Variants in MAP4K5 observed in about 807,000 individuals in gnomAD.
The protein encoded by MAP4K5 is MAPK/ERK kinase kinase kinase 5.
MAP4K5 carries 82 observed loss-of-function variants against 135.6 expected under a neutral mutation model. The ratio of observed to expected loss-of-function variants is 0.60; its 90% CI spans 0.51 to 0.73. The LOEUF is 0.73. MAP4K5 is among the 30% of genes least tolerant of loss of function. MAP4K5 has a pLI of 0.00. For missense variants in MAP4K5, 907 were observed against 1,010.9 expected (o/e 0.90, Z 1.39); for synonymous variants, 347 against 335.0 (o/e 1.04, Z -0.39).
chr14:50,525,583 C>T (rs570362141), intron 2 of MAP4K5, among the ~76,000 whole-genome samples: 2 of 152,284 alleles, frequency 1.3e-5, no homozygotes, highest in Admixed American at 6.5e-5. Context: ...ACCCTAAAAT[C>T]CCAGCACTTT....
intron 1 of MAP4K5, among the ~76,000 whole-genome samples, chr14:50,546,003 C>G (rs1190173053): frequency 1.3e-5 from 2 of 152,152 alleles, no homozygotes; most frequent in Non-Finnish European, 2.9e-5. Flanking sequence ...TGTTATTAAA[C>G]TACTGGTGTT....
chr14:50,425,918 T>G lies in MAP4K5; in HGVS notation c.2386A>C (p.Lys796Gln), dbSNP rs1184682678. ...WKHGMQGKSF[K>Q]SDEVTQEISD... ...CTGAGAAGGCTTACCTCATCTGACTTGAAGCTTTTACCCTGCATCCCATGT... is the reference window on the plus strand; with the variant it reads ...CTGAGAAGGCTTACCTCATCTGACTGGAAGCTTTTACCCTGCATCCCATGT... The change falls in exon 31 of 33, where the codon AAG becomes CAG. Residue 796 changes from lysine to glutamine, a missense_variant. Lys to Gln is a moderately conservative substitution (Grantham distance 53). Transcript: ENST00000682126. 1 of 1,612,218 alleles carries G rather than the reference T, an allele frequency of 6.2e-7. No homozygotes were observed. Among genetic ancestry groups the G allele is most frequent in the Non-Finnish European group, 8.5e-7 (1 of 1,178,860 alleles).
chr14:50,477,320 T>C (rs986436642), intron 6 of MAP4K5, among the ~76,000 whole-genome samples: 47 of 152,358 alleles, frequency 3.1e-4, no homozygotes, highest in African/African-American at 1.0e-3. Context: ...ACATTGATAG[T>C]GAATATTACA....
Position 50,428,682 on chromosome 14 carries a change from T to C in MAP4K5, c.2306A>G (p.Asp769Gly). Residue 769 changes from aspartate (D) to glycine (G), a missense_variant, in exon 30 of 33, where the codon GAT becomes GGT. Asp to Gly is a moderately conservative substitution (Grantham distance 94). Transcript: ENST00000682126. ...SKKLASELSF[D>G]FRIESVVCLQ... ...CTTACCTACAGATTCAATGCGAAAATCAAAACTTAACTCAGAGGCCAGTTT... is the reference window on the plus strand; with the variant it reads ...CTTACCTACAGATTCAATGCGAAAACCAAAACTTAACTCAGAGGCCAGTTT... 6.6e-7 allele frequency: 1 copy of C among 1,519,670 alleles called. No homozygotes were observed. Among genetic ancestry groups the C allele is most frequent in the South Asian group, 1.3e-5 (1 of 77,076 alleles). The allele number at this position is 1,519,670 out of a possible 1,614,324, so 94.1% of individuals were successfully genotyped here.
chr14:50,438,967 T>C (rs10131375), intron 23 of MAP4K5, among the ~76,000 whole-genome samples: 127,911 of 152,054 alleles, frequency 0.84, 55,337 homozygotes, highest in East Asian at 0.93. Context: ...GTTTATATGA[T>C]ACAATTCATA....
rs550912483 is a variant in MAP4K5, at chr14:50,457,404, CATA to C, written c.937-813_937-811del. Among the ~76,000 whole-genome samples, 50 of 152,268 alleles carry C rather than the reference CATA, an allele frequency of 3.3e-4. No homozygotes were observed. In the East Asian group the frequency reaches 8.7e-3, roughly 26 times the overall value. On this transcript the variant is annotated intron_variant, in intron 13 of 32. Coordinates refer to ENST00000682126, the MANE Select transcript of MAP4K5 (RefSeq NM_006575.6). ...ATATTGTAGTAAGCCAAGTGAGAAG[CATA>C]ATACTTCTACCCACCACGCAGAACC...
intron 1 of MAP4K5, among the ~76,000 whole-genome samples, chr14:50,544,886 A>G (rs966341961): frequency 1.4e-4 from 19 of 139,726 alleles, no homozygotes; most frequent in Admixed American, 1.0e-3. Context: ...GCAATGAGCT[A>G]TGATTGTACC....
At chr14:50,503,391 A>C (rs561861042) in intron 3 of MAP4K5, among the ~76,000 whole-genome samples, 46 of 152,248 alleles carry the variant, frequency 3.0e-4, no homozygotes, top group Non-Finnish European at 3.7e-4. Context: ...TAAAATAATC[A>C]GTAGCTTTTA....
chr14:50,485,786 T>A (rs939090540), intron 4 of MAP4K5, 144 bp from the exon 5 acceptor site: 2 of 586,638 alleles, frequency 3.4e-6, no homozygotes, highest in African/African-American at 3.8e-5. Context: ...TGCTACAATA[T>A]ACAGAAAAGC....
chr14:50,538,099 G>A (rs2038516839), intron 2 of MAP4K5, among the ~76,000 whole-genome samples: 1 of 152,172 alleles, frequency 6.6e-6, no homozygotes, highest in African/African-American at 2.4e-5. Flanking sequence ...GAGGGACCTG[G>A]TGGGAGGTAA....
At chr14:50,447,527 A>T in intron 15 of MAP4K5, 46 bp from the exon 16 acceptor site, 3 of 1,043,642 alleles carry the variant, frequency 2.9e-6, no homozygotes, top group South Asian at 1.5e-5. Context: ...TGTAACAGGT[A>T]TTAACCATTT....
chr14:50,453,169 CT>C (rs1186919184), intron 14 of MAP4K5, among the ~76,000 whole-genome samples: 4 of 151,984 alleles, frequency 2.6e-5, no homozygotes, highest in Middle Eastern at 3.4e-3. Flanking sequence ...TAGGCTTATA[CT>C]CTTCGTGAAT....
In MAP4K5 at chr14:50,485,342, C is replaced by A. The variant is rs1428857184; in HGVS notation, c.322+236G>T. ...AGATAAAACACTTTCCTAGAGATAT[C>A]TAAAGAGTAAAATTTGGATTATATA... is the stretch of plus-strand genomic sequence containing the variant. On this transcript the variant is annotated intron_variant, in intron 5 of 32. Transcript: ENST00000682126. Among the ~76,000 whole-genome samples, 3 of 152,084 alleles carry A rather than the reference C, an allele frequency of 2.0e-5. No individual in the cohort carries two copies. In the East Asian group the frequency reaches 5.8e-4, roughly 29 times the overall value.
At chr14:50,507,163 T>C (rs1033223968) in intron 2 of MAP4K5, among the ~76,000 whole-genome samples, 2 of 152,228 alleles carry the variant, frequency 1.3e-5, no homozygotes, top group Non-Finnish European at 2.9e-5. Flanking sequence ...TTGCAGGAAC[T>C]TTCATATACA....
chr14:50,478,996 GT>G (rs71118888), intron 6 of MAP4K5, among the ~76,000 whole-genome samples: 5 of 151,200 alleles, frequency 3.3e-5, no homozygotes, highest in African/African-American at 1.2e-4. Flanking sequence ...TCTTAGTGTA[GT>G]TTTTTTCGTT....
intron 3 of MAP4K5, among the ~76,000 whole-genome samples, chr14:50,500,091 T>C (rs971013120): frequency 1.3e-5 from 2 of 152,208 alleles, no homozygotes; most frequent in Admixed American, 1.3e-4. Flanking sequence ...CAGAAAGACA[T>C]CTGTAATATT....
intron 2 of MAP4K5, 63 bp downstream of exon 2, chr14:50,531,879 A>C (rs2038397844): frequency 3.5e-6 from 4 of 1,149,154 alleles, no homozygotes; most frequent in Non-Finnish European, 5.1e-6. Context: ...ACTTCGCAGG[A>C]AAGTGGCCCC....
intron 8 of MAP4K5, 72 bp from the exon 9 acceptor site, chr14:50,475,221 G>A (rs2139871122): frequency 9.2e-7 from 1 of 1,081,700 alleles, no homozygotes. Context: ...TTCGCCCTTA[G>A]GCATGGCAGT....
chr14:50,482,004 G>C (rs2037253290), intron 6 of MAP4K5, among the ~76,000 whole-genome samples: 1 of 152,206 alleles, frequency 6.6e-6, no homozygotes, highest in Non-Finnish European at 1.5e-5. Context: ...TGTTACAATT[G>C]AGAGGTTTGG....
Sources: allele counts gnomAD v4.1 joint callset (sites outside exome capture counted in the v4.1 genomes callset), GRCh38; gene constraint gnomAD v4.1.1; transcripts MANE v1.5; gene names NCBI Gene and HGNC (gene_info 2026-07-23, HGNC 2026-07-21).